CEP135: variants seen among roughly 807,000 people sequenced by gnomAD.
CEP135 encodes centrosomal protein 135.
In CEP135, 142 loss-of-function variants were observed where a neutral mutation model predicts 157.3. The ratio of observed to expected loss-of-function variants is 0.90; its 90% CI spans 0.79 to 1.04. CEP135 has a LOEUF of 1.04. Among genes scored for constraint, CEP135 ranks in the 50% least tolerant of loss-of-function variants. The probability of loss-of-function intolerance (pLI) is 0.00; values close to 1 mark genes in which losing one functional copy is unlikely to be tolerated. For missense variants in CEP135, 1,317 were observed against 1,309.2 expected, an observed-to-expected ratio of 1.01 and a Z score of -0.09; for synonymous variants, 396 against 439.8, an observed-to-expected ratio of 0.90 and a Z score of 1.25.
At chr4:56,011,556 G>T in intron 20 of CEP135, 34 bp downstream of exon 20, 1 of 1,406,104 alleles carries the variant, frequency 7.1e-7, no homozygotes, top group Non-Finnish European at 9.8e-7. Context: ...ATTTAAGACT[G>T]AGGTTTTTTT....
rs1731419027 is a variant in CEP135 at position 56,033,110 on chromosome 4, A to C, written c.*1762A>C. The stretch of plus-strand genomic sequence containing the variant: ...TAAATATATGTAAATAAAATAAAAA[A>C]TATTTGTCTCCACCTTTTCCCCAAA... On this transcript the variant is annotated 3_prime_UTR_variant, in exon 26 of 26. Transcript: ENST00000257287. 6.6e-6 allele frequency: 1 copy of C among 152,104 alleles called. No homozygotes were observed. Among genetic ancestry groups the C allele is most frequent in the East Asian group, 1.9e-4 (1 of 5,200 alleles). The allele number at this position is 152,104 out of a possible 1,614,324, so 9.4% of individuals were successfully genotyped here.
chr4:56,019,461 A>C lies in CEP135; in HGVS notation c.3121A>C (p.Arg1041=). ...CCTCGAATCATTGTTGGCTACAAACAGAGATAAAGAATTTCATTCTCACTT... is the reference window on the plus strand; with the variant it reads ...CCTCGAATCATTGTTGGCTACAAACCGAGATAAAGAATTTCATTCTCACTT... ...KNLESLLATN[R]DKEFHSHLTS... Residue 1041 remains arginine, a synonymous_variant, in exon 23 of 26, where the codon AGA becomes CGA. Coordinates refer to ENST00000257287, the MANE Select transcript of CEP135 (RefSeq NM_025009.5). 6.2e-7 allele frequency: 1 copy of C among 1,614,026 alleles called. No homozygotes were observed. The highest frequency in any genetic ancestry group is 8.5e-7 in the Non-Finnish European group (1 of 1,179,932).
At chr4:56,017,905 C>A in intron 22 of CEP135, 48 bp downstream of exon 22, 1 of 1,497,926 alleles carries the variant, frequency 6.7e-7, no homozygotes, top group Non-Finnish European at 9.2e-7. Context: ...GAGCCCTACT[C>A]TAATTATTTT....
chr4:55,982,122 A>C (rs1395130546), intron 13 of CEP135, among the ~76,000 whole-genome samples: 1 of 152,046 alleles, frequency 6.6e-6, no homozygotes, highest in Non-Finnish European at 1.5e-5. Flanking sequence ...CATTTCTCCC[A>C]TCCCCTCTTA....
chr4:55,981,472 C>G, intron 13 of CEP135, 93 bp downstream of exon 13: 1 of 1,102,362 alleles, frequency 9.1e-7, no homozygotes. Flanking sequence ...TTGGCCAAAT[C>G]CAGACCACTT....
chr4:56,028,865 T>C (rs75996237), intron 25 of CEP135, among the ~76,000 whole-genome samples: 10,515 of 152,198 alleles, frequency 0.069, 489 homozygotes, highest in Middle Eastern at 0.082. Context: ...ATTCTGACAT[T>C]ATCTGCCTGG....
chr4:56,007,209 T>C (rs889205268), intron 17 of CEP135, among the ~76,000 whole-genome samples: 3 of 152,172 alleles, frequency 2.0e-5, no homozygotes, highest in Non-Finnish European at 4.4e-5. Context: ...TGTTTTGGTT[T>C]TCATTGGTTA....
At chr4:56,002,783 G>A (rs1730222883) in intron 17 of CEP135, among the ~76,000 whole-genome samples, 1 of 152,104 alleles carries the variant, frequency 6.6e-6, no homozygotes, top group Admixed American at 6.5e-5. Flanking sequence ...CAATTTCCTT[G>A]AAGAGTTTGA....
intron 22 of CEP135, 22 bp from the exon 23 acceptor site, chr4:56,019,331 T>A: frequency 6.3e-7 from 1 of 1,583,210 alleles, no homozygotes; most frequent in Non-Finnish European, 8.6e-7. Flanking sequence ...ACTGAAGTAA[T>A]CTTACTTTGT....
chr4:55,976,120 G>A (rs1018212929), intron 11 of CEP135, among the ~76,000 whole-genome samples: 11 of 152,016 alleles, frequency 7.2e-5, no homozygotes, highest in Non-Finnish European at 1.5e-4. Context: ...TGAGCATAGT[G>A]GCATGCACCT....
intron 2 of CEP135, 129 bp downstream of exon 2, chr4:55,952,372 GT>G (rs1363821211): frequency 5.2e-5 from 32 of 617,806 alleles, no homozygotes; most frequent in African/African-American, 1.8e-4. Context: ...AAGCTTATCT[GT>G]TTTTTCCCTG....
Position 56,011,843 on chromosome 4 carries a change from A to G in CEP135, c.2660A>G (p.His887Arg). The part of the protein sequence containing the change: ...QDLLDRFQML[H>R]NRAEDWEVKA... ...TTGTTAGATAGATTTCAGATGCTTCATAACCGTGCTGAAGACTGGGAGGTC... is the reference window on the plus strand; with the variant it reads ...TTGTTAGATAGATTTCAGATGCTTCGTAACCGTGCTGAAGACTGGGAGGTC... The change falls in exon 21 of 26, where the codon CAT becomes CGT. Residue 887 changes from histidine to arginine, a missense_variant. Coordinates refer to ENST00000257287, the MANE Select transcript of CEP135 (RefSeq NM_025009.5). 6.3e-7 allele frequency: 1 copy of G among 1,598,244 alleles called. No homozygotes were observed. Among genetic ancestry groups the G allele is most frequent in the Non-Finnish European group, 8.5e-7 (1 of 1,175,080 alleles).
intron 22 of CEP135, 64 bp from the exon 23 acceptor site, chr4:56,019,289 A>G: frequency 1.6e-6 from 2 of 1,283,838 alleles, no homozygotes; most frequent in South Asian, 1.5e-5. Flanking sequence ...ATTGTCAGAT[A>G]AATAATTTTT....
At chr4:56,023,011 C>T (rs1459193582) in intron 24 of CEP135, among the ~76,000 whole-genome samples, 2 of 152,096 alleles carry the variant, frequency 1.3e-5, no homozygotes, top group African/African-American at 2.4e-5. Flanking sequence ...GCAGGAGGAT[C>T]GCTTGAGGCC....
intron 6 of CEP135, 28 bp from the exon 7 acceptor site, chr4:55,964,246 T>A (rs772807454): frequency 4.4e-6 from 7 of 1,576,870 alleles, no homozygotes; most frequent in Non-Finnish European, 5.1e-6. Flanking sequence ...CCAGATTTTT[T>A]AAAATGACAG....
chr4:56,000,568 G>T (rs1036259373), intron 17 of CEP135, among the ~76,000 whole-genome samples: 1 of 152,044 alleles, frequency 6.6e-6, no homozygotes, highest in Admixed American at 6.6e-5. Context: ...TAGCACCCAC[G>T]TATGGGTGAG....
intron 4 of CEP135, among the ~76,000 whole-genome samples, chr4:55,956,246 CA>C (rs1728501154): frequency 6.6e-6 from 1 of 152,122 alleles, no homozygotes; most frequent in Admixed American, 6.5e-5. Flanking sequence ...TCTAATGAGA[CA>C]AAATTGTGGA....
intron 14 of CEP135, among the ~76,000 whole-genome samples, chr4:55,988,233 G>A (rs555250206): frequency 2.0e-5 from 3 of 151,154 alleles, no homozygotes; most frequent in Non-Finnish European, 4.4e-5. Context: ...GGGGGGCGGG[G>A]GGTGAGGGGG....
At chr4:56,024,448 T>C (rs1225061112) in intron 24 of CEP135, 53 bp from the exon 25 acceptor site, 1 of 1,337,202 alleles carries the variant, frequency 7.5e-7, no homozygotes, top group African/African-American at 1.4e-5. Context: ...TTGCCACTTT[T>C]TGATTTTCCC....
Sources: gnomAD v4.1 joint callset for allele counts (sites outside exome capture counted in the v4.1 genomes callset) on GRCh38, gnomAD v4.1.1 for gene constraint, MANE v1.5 for transcripts, NCBI Gene and HGNC (gene_info 2026-07-23, HGNC 2026-07-21) for gene names.